Variants in RANBP2 observed in about 807,000 individuals in gnomAD.
The protein encoded by RANBP2 is E3 SUMO-protein ligase RanBP2.
In RANBP2, 57 loss-of-function variants were observed where a neutral mutation model predicts 303.6. The observed-to-expected ratio is 0.19, with a 90% CI of 0.15 to 0.23. The LOEUF (loss-of-function observed/expected upper bound fraction) is 0.23, where lower values mean the gene tolerates loss of function less well. RANBP2 is among the 10% of genes least tolerant of loss of function. The pLI is 1.00. For missense variants in RANBP2, 3,138 were observed against 3,780.8 expected (o/e 0.83, Z 4.46); for synonymous variants, 1,167 against 1,301.5 (o/e 0.90, Z 2.23).
chr2:109,652,284 G>T, the RANBP2 span, among the ~76,000 whole-genome samples: 1,245 of 151,512 alleles, frequency 8.2e-3, 26 homozygotes, highest in African/African-American at 0.028. Flanking sequence ...GCGCAGTGGC[G>T]CCATCTCGGC....
At chr2:109,713,682 T>C in the RANBP2 span, among the ~76,000 whole-genome samples, 1 of 152,058 alleles carries the variant, frequency 6.6e-6, no homozygotes, top group East Asian at 1.9e-4. Context: ...GCCCAGAGAG[T>C]CCATGAGATC....
the RANBP2 span, among the ~76,000 whole-genome samples, chr2:109,145,197 A>G: frequency 6.6e-6 from 1 of 152,076 alleles, no homozygotes; most frequent in African/African-American, 2.4e-5. Flanking sequence ...TGCTTCTGAG[A>G]CAGAGCCGTG....
the RANBP2 span, among the ~76,000 whole-genome samples, chr2:108,829,480 C>T: frequency 3.3e-5 from 5 of 151,858 alleles, no homozygotes; most frequent in Non-Finnish European, 5.9e-5. Flanking sequence ...ACATGGTGGC[C>T]CATGCCTGTA....
chr2:109,326,920 C>A, the RANBP2 span, among the ~76,000 whole-genome samples: 6 of 152,214 alleles, frequency 3.9e-5, no homozygotes. Flanking sequence ...GCTGGCTCTA[C>A]CATTCGGTTC....
chr2:109,661,096 G>C, the RANBP2 span, among the ~76,000 whole-genome samples: 1 of 152,144 alleles, frequency 6.6e-6, no homozygotes, highest in African/African-American at 2.4e-5. Flanking sequence ...AAAAGCCCAA[G>C]GCTATGGGCA....
the RANBP2 span, among the ~76,000 whole-genome samples, chr2:108,959,497 T>C: frequency 4.6e-5 from 7 of 152,202 alleles, no homozygotes; most frequent in African/African-American, 1.7e-4. Context: ...CAATGCTTTG[T>C]TTCTCTGTGA....
chr2:108,910,728 A>G, the RANBP2 span: 1 of 1,596,408 alleles, frequency 6.3e-7, no homozygotes, highest in Non-Finnish European at 8.6e-7. Context: ...CCCTCCACCC[A>G]GAGATGGGCA....
chr2:108,789,979 G>A (rs1679633778), downstream of RANBP2, among the ~76,000 whole-genome samples: 1 of 152,160 alleles, frequency 6.6e-6, no homozygotes, highest in Non-Finnish European at 1.5e-5. Context: ...TGAAATAATT[G>A]TGGAGAGAAA....
intron 20 of RANBP2, among the ~76,000 whole-genome samples, chr2:108,768,905 T>C (rs1010330295): frequency 8.6e-5 from 13 of 152,014 alleles, no homozygotes; most frequent in African/African-American, 2.9e-4. Context: ...TCGTGGTGCG[T>C]GCCTATAATT....
At chr2:109,629,873 G>A in the RANBP2 span, among the ~76,000 whole-genome samples, 4 of 151,926 alleles carry the variant, frequency 2.6e-5, no homozygotes, top group East Asian at 1.9e-4. Flanking sequence ...TATGTACCCC[G>A]CTAATATTTA....
the RANBP2 span, among the ~76,000 whole-genome samples, chr2:108,841,003 T>G: frequency 7.3e-5 from 11 of 151,346 alleles, no homozygotes; most frequent in East Asian, 1.9e-4. Flanking sequence ...GTGTGTGTGT[T>G]TTTTGTTTGT....
At chr2:109,317,338 G>C in the RANBP2 span, among the ~76,000 whole-genome samples, 119 of 152,248 alleles carry the variant, frequency 7.8e-4, no homozygotes, top group African/African-American at 2.7e-3. Flanking sequence ...TCTGTGGGCA[G>C]GTGGGCAGGT....
chr2:108,948,410 CT>C, the RANBP2 span, among the ~76,000 whole-genome samples: 52 of 152,298 alleles, frequency 3.4e-4, no homozygotes, highest in African/African-American at 1.2e-3. Flanking sequence ...TTCAGGTTGT[CT>C]TTATAGCAGT....
chr2:108,843,249 C>T, the RANBP2 span, among the ~76,000 whole-genome samples: 6 of 152,286 alleles, frequency 3.9e-5, no homozygotes, highest in East Asian at 1.2e-3. Flanking sequence ...CCTCCGTCTG[C>T]TGGGTTCAAA....
the RANBP2 span, among the ~76,000 whole-genome samples, chr2:109,206,068 G>A: frequency 0.3 from 45,636 of 152,072 alleles, 7,708 homozygotes; most frequent in Non-Finnish European, 0.39. Flanking sequence ...CAGCCTCCGC[G>A]GTGGGCATTG....
the RANBP2 span, among the ~76,000 whole-genome samples, chr2:109,456,033 A>T: frequency 1.4e-4 from 21 of 152,226 alleles, no homozygotes; most frequent in African/African-American, 5.1e-4. Context: ...CCCTTGGCCC[A>T]TGCTCTGTCA....
the RANBP2 span, among the ~76,000 whole-genome samples, chr2:108,872,621 G>A: frequency 2.4e-3 from 361 of 152,160 alleles, no homozygotes; most frequent in Non-Finnish European, 4.5e-3. Flanking sequence ...GGCATCTTGC[G>A]AGGGCTTCTT....
At chr2:109,690,772 G>A in the RANBP2 span, among the ~76,000 whole-genome samples, 1 of 151,718 alleles carries the variant, frequency 6.6e-6, no homozygotes, top group South Asian at 2.1e-4. Flanking sequence ...AGGGCTGGGG[G>A]TGGGGTGTGT....
At chr2:108,896,793 G>A in the RANBP2 span, 125 of 1,037,808 alleles carry the variant, frequency 1.2e-4, no homozygotes, top group Non-Finnish European at 1.6e-4. Flanking sequence ...TAAGGCATAC[G>A]GTGACATATC....
Sources: gnomAD v4.1 joint callset for allele counts (sites outside exome capture counted in the v4.1 genomes callset) on GRCh38, gnomAD v4.1.1 for gene constraint, MANE v1.5 for transcripts, NCBI Gene and HGNC (gene_info 2026-07-23, HGNC 2026-07-21) for gene names.